Variants in SVIL observed in about 807,000 individuals in gnomAD.
SVIL encodes supervillin.
In SVIL, 101 loss-of-function variants were observed where a neutral mutation model predicts 240.4. The ratio of observed to expected loss-of-function variants is 0.42; its 90% CI spans 0.36 to 0.50. The LOEUF is 0.50. Among genes scored for constraint, SVIL ranks in the 20% least tolerant of loss-of-function variants. The probability of loss-of-function intolerance (pLI) is 0.01; values close to 1 mark genes in which losing one functional copy is unlikely to be tolerated. For synonymous variants in SVIL, 999 were observed against 1,100.0 expected, an observed-to-expected ratio of 0.91 and a Z score of 1.82; for missense variants, 2,512 against 2,818.7, an observed-to-expected ratio of 0.89 and a Z score of 2.46.
chr10:29,532,608 T>C lies in SVIL; in HGVS notation c.1759A>G (p.Met587Val), dbSNP rs753434066. 8 of 1,613,986 alleles carry C rather than the reference T, an allele frequency of 5.0e-6. No homozygotes were observed. The highest frequency in any genetic ancestry group is 1.7e-5 in the Admixed American group (1 of 60,010). ...GCGACAGAGACTTTTGTGTCCAGCA[T>C]GCTGATCTCCCCATAAGGCCCTTCG... The part of the protein sequence containing the change: ...KTEGPYGEIS[M>V]LDTKVSVAQL... The change falls in exon 8 of 38, where the codon ATG becomes GTG. Residue 587 changes from methionine to valine, a missense_variant. Met to Val is a conservative substitution (Grantham distance 21, BLOSUM62 1). This residue lies in a region of SVIL where 1,443 missense variants were observed against 1,486.6 expected (regional missense o/e 0.97). Coordinates refer to ENST00000355867, the MANE Select transcript of SVIL (RefSeq NM_021738.3).
rs759770223 is a variant in SVIL at position 29,462,260 on chromosome 10, CA to C, written c.6402+16del. On this transcript the variant is annotated intron_variant, in intron 36 of 37. Transcript: ENST00000355867. ...AGGCGCAGGAGCCACCTTCATAGGG[CA>C]GGAAAGCGTGCTCACCATCTCTGTG... 31 of 1,613,234 alleles carry C rather than the reference CA, an allele frequency of 1.9e-5. 1 individual carries two copies. The South Asian group carries it at 3.1e-4, about 16-fold the overall frequency.
At chr10:29,660,614 C>T (rs969317367) in intron 2 of SVIL, among the ~76,000 whole-genome samples, 5 of 152,114 alleles carry the variant, frequency 3.3e-5, no homozygotes, top group African/African-American at 4.8e-5. Flanking sequence ...GTGGGGGGAA[C>T]GGGCCAAGAG....
At chr10:29,627,616 C>T (rs1238619158) in intron 1 of SVIL, among the ~76,000 whole-genome samples, 2 of 152,150 alleles carry the variant, frequency 1.3e-5, no homozygotes, top group South Asian at 2.1e-4. Context: ...GTTCTCCACG[C>T]CACGTGCCCA....
At chr10:29,714,256 A>G (rs1963479154) in intron 1 of SVIL, among the ~76,000 whole-genome samples, 1 of 152,208 alleles carries the variant, frequency 6.6e-6, no homozygotes, top group African/African-American at 2.4e-5. Flanking sequence ...AGTCATCTCC[A>G]TCCCGAGGGA....
At chr10:29,563,516 C>T (rs886084333) in intron 2 of SVIL, among the ~76,000 whole-genome samples, 2 of 151,970 alleles carry the variant, frequency 1.3e-5, no homozygotes, top group Admixed American at 6.6e-5. Flanking sequence ...GCAGGATTGG[C>T]GGGTGGCGTG....
At chr10:29,604,734 T>C (rs1956954071) in intron 1 of SVIL, among the ~76,000 whole-genome samples, 1 of 151,954 alleles carries the variant, frequency 6.6e-6, no homozygotes, top group Non-Finnish European at 1.5e-5. Context: ...CCAGCTAATC[T>C]TTTAAAAAAA....
At chr10:29,499,913 G>C (rs114104373) in intron 17 of SVIL, among the ~76,000 whole-genome samples, 1 of 152,166 alleles carries the variant, frequency 6.6e-6, no homozygotes, top group African/African-American at 2.4e-5. Flanking sequence ...CTACATGCAC[G>C]GTAACATTTC....
intron 26 of SVIL, among the ~76,000 whole-genome samples, chr10:29,485,684 T>C (rs764134083): frequency 1.1e-4 from 17 of 152,250 alleles, no homozygotes; most frequent in Non-Finnish European, 2.1e-4. Flanking sequence ...AAATATTTAC[T>C]GCTGTGACAG....
intron 2 of SVIL, among the ~76,000 whole-genome samples, chr10:29,667,611 GGAGGTTGA>G (rs1437447782): frequency 6.6e-6 from 1 of 152,060 alleles, no homozygotes; most frequent in African/African-American, 2.4e-5. Flanking sequence ...CAACACTTTG[GGAGGTTGA>G]GAGGGAAGGA....
intron 1 of SVIL, among the ~76,000 whole-genome samples, chr10:29,688,953 T>C (rs1207587018): frequency 6.6e-6 from 1 of 152,152 alleles, no homozygotes; most frequent in Non-Finnish European, 1.5e-5. Context: ...AAAGTGCTGT[T>C]TACAACTTTA....
rs183971049 is a variant in SVIL at position 29,600,887 on chromosome 10, A to C, written c.-200-31575T>G. On this transcript the variant is annotated intron_variant, in intron 1 of 37. Transcript: ENST00000355867. ...ATCTGATCTGAAGTATAGTCAATACATATGATTATGAAGTTCCGGGTTCTT... is the reference window on the plus strand; with the variant it reads ...ATCTGATCTGAAGTATAGTCAATACCTATGATTATGAAGTTCCGGGTTCTT... Among the ~76,000 whole-genome samples the C allele has an allele frequency of 3.0e-3, 454 of 152,326 alleles. 11 individuals are homozygous for C. In the South Asian group the frequency reaches 0.062, roughly 21 times the overall value.
At chr10:29,628,003 A>T (rs1162767052) in intron 1 of SVIL, among the ~76,000 whole-genome samples, 6 of 152,250 alleles carry the variant, frequency 3.9e-5, no homozygotes, top group African/African-American at 1.4e-4. Context: ...TCAAACCTAT[A>T]GAGTTATTAG....
chr10:29,658,497 C>G (rs1405242414), intron 2 of SVIL, among the ~76,000 whole-genome samples: 2 of 152,214 alleles, frequency 1.3e-5, no homozygotes, highest in Non-Finnish European at 2.9e-5. Context: ...TGGCTCCCAC[C>G]TGTAATCCTG....
chr10:29,501,121 A>G (rs192281474), intron 17 of SVIL, among the ~76,000 whole-genome samples: 52 of 151,860 alleles, frequency 3.4e-4, no homozygotes, highest in Admixed American at 2.0e-3. Flanking sequence ...GTCCCTGCCA[A>G]CTTAAATTAG....
In SVIL at chr10:29,484,718, A is replaced by T. The variant is rs1286167502; in HGVS notation, c.4893T>A (p.Phe1631Leu). Residue 1631 changes from phenylalanine (F) to leucine (L), a missense_variant, in exon 27 of 38, where the codon TTT (phenylalanine) becomes TTA (leucine). Phe to Leu is a conservative substitution (Grantham distance 22). This residue lies in a region of SVIL where 797 missense variants were observed against 925.3 expected (regional missense o/e 0.86). Coordinates refer to ENST00000355867, the MANE Select transcript of SVIL (RefSeq NM_021738.3). The surrounding 1 kb of genome is among the most constrained non-coding windows in gnomAD (Gnocchi z 4.7). ...QLAKHLWNGT[F>L]DYENCDINPL... ...GATTGATGTCACAGTTCTCATAGTC[A>T]AAGGTTCCATTCCATAAGTGCTTTG... is the stretch of plus-strand genomic sequence containing the variant. 6.2e-7 allele frequency: 1 copy of T among 1,613,982 alleles called. No homozygotes were observed. The highest frequency in any genetic ancestry group is 8.5e-7 in the Non-Finnish European group (1 of 1,179,998).
chr10:29,725,505 A>G (rs948450772), intron 1 of SVIL, among the ~76,000 whole-genome samples: 4 of 152,004 alleles, frequency 2.6e-5, no homozygotes, highest in African/African-American at 9.7e-5. Flanking sequence ...ATGCACACAG[A>G]TGTGTCCTAG....
chr10:29,706,924 G>T (rs58533384), intron 1 of SVIL, among the ~76,000 whole-genome samples: 21,930 of 152,008 alleles, frequency 0.14, 1,892 homozygotes, highest in African/African-American at 0.23. Flanking sequence ...TTTGTTGTTT[G>T]GTTTGTCGAA....
Position 29,534,582 on chromosome 10 carries a change from C to A in SVIL, c.909-1124G>T, listed in dbSNP as rs531430478. ...GTTATTCAAATATCTGAGAGCAAAA[C>A]TGACATCCTTTTCAAAAGCTACAGA... is the stretch of plus-strand genomic sequence containing the variant. On this transcript the variant is annotated intron_variant, in intron 7 of 37. Coordinates refer to ENST00000355867, the MANE Select transcript of SVIL (RefSeq NM_021738.3). Among the ~76,000 whole-genome samples the A allele has an allele frequency of 5.9e-5, 9 of 152,310 alleles. No individual in the cohort carries two copies. The East Asian group carries it at 1.7e-3, about 29-fold the overall frequency.
At chr10:29,696,881 G>A (rs1167756383) in intron 1 of SVIL, among the ~76,000 whole-genome samples, 21 of 143,176 alleles carry the variant, frequency 1.5e-4, no homozygotes, top group African/African-American at 3.4e-4. Flanking sequence ...GCCTCTGCCC[G>A]GCCGCCCCTA....
Sources: gnomAD v4.1 joint callset for allele counts (sites outside exome capture counted in the v4.1 genomes callset) on GRCh38, gnomAD v4.1.1 for gene constraint, gnomAD v4.1.1 regional missense constraint, Gnocchi (gnomAD v3.1) non-coding constraint, MANE v1.5 for transcripts, NCBI Gene and HGNC (gene_info 2026-07-23, HGNC 2026-07-21) for gene names.